Variants in FSHR observed in about 807,000 individuals in gnomAD.
FSHR encodes follicle stimulating hormone receptor, also known as follicle-stimulating hormone receptor.
Under a neutral mutation model 52.1 loss-of-function variants are expected in FSHR, and 46 were observed. The ratio of observed to expected loss-of-function variants is 0.88; its 90% CI spans 0.70 to 1.13. The LOEUF (loss-of-function observed/expected upper bound fraction) is 1.13. FSHR is among the 50% of genes most tolerant of loss of function. The pLI is 0.00. For synonymous variants in FSHR, 399 were observed against 309.6 expected, an observed-to-expected ratio of 1.29 and a Z score of -3.03; for missense variants, 964 against 834.6, an observed-to-expected ratio of 1.16 and a Z score of -1.91.
intron 4 of FSHR, among the ~76,000 whole-genome samples, chr2:49,017,017 A>G (rs1667513946): frequency 6.6e-6 from 1 of 152,222 alleles, no homozygotes; most frequent in Admixed American, 6.5e-5. Flanking sequence ...TGCAGCTGAA[A>G]CACTAGGAAT....
chr2:48,982,600 A>G (rs1039593348), intron 8 of FSHR, among the ~76,000 whole-genome samples: 1 of 152,164 alleles, frequency 6.6e-6, no homozygotes, highest in Admixed American at 6.5e-5. Flanking sequence ...CCTTCTGTAA[A>G]ACGGGAATAA....
intron 4 of FSHR, among the ~76,000 whole-genome samples, chr2:49,002,557 CAAG>C (rs1356695766): frequency 7.9e-5 from 12 of 152,006 alleles, no homozygotes; most frequent in Non-Finnish European, 1.2e-4. Flanking sequence ...ATGGTGGCAG[CAAG>C]AAGAAGTGCC....
chr2:49,047,919 T>C (rs1214733997), intron 2 of FSHR, among the ~76,000 whole-genome samples: 1 of 152,126 alleles, frequency 6.6e-6, no homozygotes, highest in Admixed American at 6.5e-5. Flanking sequence ...TGCTTTGTTG[T>C]CCAGGCTGGA....
Position 48,963,475 on chromosome 2 carries a change from G to C in FSHR, c.1346C>G (p.Thr449Ser), listed in dbSNP as rs28928870. The C allele has an allele frequency of 1.2e-6, 2 of 1,614,144 alleles. No individual in the cohort carries two copies. Among genetic ancestry groups the C allele is most frequent in the Non-Finnish European group, 1.7e-6 (2 of 1,180,004 alleles). Reference sequence around the variant, plus strand: ...GACTGACAGCTCACTGGCAAAGACAGTGAAAAAGCCAGCAGCATCACAGCC... The same window carrying C: ...GACTGACAGCTCACTGGCAAAGACACTGAAAAAGCCAGCAGCATCACAGCC... ...GAGCDAAGFF[T>S]VFASELSVYT... The change falls in exon 10 of 10, where the codon ACT becomes AGT. Residue 449 changes from threonine to serine, a missense_variant. Coordinates refer to ENST00000406846, the MANE Select transcript of FSHR (RefSeq NM_000145.4).
intron 2 of FSHR, among the ~76,000 whole-genome samples, chr2:49,049,804 A>C (rs1305774825): frequency 6.8e-6 from 1 of 146,038 alleles, no homozygotes. Context: ...TCTTTATCAG[A>C]CTCATATAGC....
chr2:49,133,770 C>T (rs1038572111), intron 1 of FSHR, among the ~76,000 whole-genome samples: 1 of 152,120 alleles, frequency 6.6e-6, no homozygotes, highest in African/African-American at 2.4e-5. Flanking sequence ...TACCATACAT[C>T]TACAACCATC....
intron 1 of FSHR, among the ~76,000 whole-genome samples, chr2:49,092,260 G>A (rs573221317): frequency 3.5e-4 from 53 of 152,190 alleles, no homozygotes; most frequent in African/African-American, 1.2e-3. Context: ...TTATAAGAGC[G>A]TTTTTTTGGA....
intron 1 of FSHR, among the ~76,000 whole-genome samples, chr2:49,090,927 G>T (rs991998887): frequency 4.3e-4 from 66 of 151,956 alleles, no homozygotes; most frequent in African/African-American, 1.5e-3. Context: ...TTGGTGAAGT[G>T]ACTGATTCTT....
At chr2:49,106,291 T>A (rs977982713) in intron 1 of FSHR, among the ~76,000 whole-genome samples, 3 of 152,026 alleles carry the variant, frequency 2.0e-5, no homozygotes, top group African/African-American at 7.2e-5. Flanking sequence ...AGTGACTATA[T>A]CAGCGATGTC....
At chr2:48,977,517 C>T (rs1245217168) in intron 8 of FSHR, among the ~76,000 whole-genome samples, 1 of 152,204 alleles carries the variant, frequency 6.6e-6, no homozygotes, top group Admixed American at 6.5e-5. Flanking sequence ...GAAATTCAGG[C>T]CTAGGATGAC....
chr2:49,036,800 C>T (rs1235146257), intron 2 of FSHR, among the ~76,000 whole-genome samples: 3 of 152,088 alleles, frequency 2.0e-5, no homozygotes, highest in Non-Finnish European at 4.4e-5. Context: ...AGTGATGTTG[C>T]GAGTTCTGGC....
At chr2:49,124,499 C>T (rs1313548506) in intron 1 of FSHR, among the ~76,000 whole-genome samples, 4 of 152,132 alleles carry the variant, frequency 2.6e-5, no homozygotes, top group African/African-American at 4.8e-5. Context: ...TCTTCATCCT[C>T]CCTGCCTTGT....
At chr2:49,063,111 C>G (rs187869890) in intron 2 of FSHR, among the ~76,000 whole-genome samples, 33 of 152,196 alleles carry the variant, frequency 2.2e-4, no homozygotes, top group African/African-American at 7.9e-4. Context: ...AGGAGAGGCC[C>G]TAAATGCCCA....
At chr2:49,039,678 C>T (rs1007122038) in intron 2 of FSHR, among the ~76,000 whole-genome samples, 1 of 152,172 alleles carries the variant, frequency 6.6e-6, no homozygotes, top group South Asian at 2.1e-4. Flanking sequence ...GTTCTGCTTT[C>T]CTTGATCTCT....
chr2:49,137,483 C>G (rs764183784), intron 1 of FSHR, among the ~76,000 whole-genome samples: 8 of 152,038 alleles, frequency 5.3e-5, no homozygotes, highest in African/African-American at 1.9e-4. Flanking sequence ...AAGAAATTGA[C>G]AGGCTGATTC....
chr2:49,120,816 T>A (rs1487907480), intron 1 of FSHR, among the ~76,000 whole-genome samples: 1 of 152,246 alleles, frequency 6.6e-6, no homozygotes, highest in Non-Finnish European at 1.5e-5. Context: ...TAGTAGATGC[T>A]GAGTATATCT....
At chr2:49,004,377 G>C (rs1222300491) in intron 4 of FSHR, among the ~76,000 whole-genome samples, 2 of 152,168 alleles carry the variant, frequency 1.3e-5, no homozygotes, top group African/African-American at 4.8e-5. Flanking sequence ...TTGAATCCTG[G>C]GGAAGAGGAG....
At position 49,059,057 on chromosome 2, in the gene FSHR, T is replaced by C. The variant is rs117929650; in HGVS notation, c.224+9162A>G. ...CCATCTATGCAAGAAAATAAAAAAA[T>C]AGCTGAGTATGGTGGCACATGCCTG... On this transcript the variant is annotated intron_variant, in intron 2 of 9. Coordinates refer to ENST00000406846, the MANE Select transcript of FSHR (RefSeq NM_000145.4). Among the ~76,000 whole-genome samples, 3 of 151,890 alleles carry C rather than the reference T, an allele frequency of 2.0e-5. No homozygotes were observed. The East Asian group carries it at 5.8e-4, about 30-fold the overall frequency.
intron 4 of FSHR, among the ~76,000 whole-genome samples, chr2:48,997,699 C>T (rs1469892616): frequency 6.6e-6 from 1 of 152,120 alleles, no homozygotes; most frequent in East Asian, 1.9e-4. Context: ...GGTCATGCTC[C>T]AGCCTTGTAT....
Sources: allele counts gnomAD v4.1 joint callset (sites outside exome capture counted in the v4.1 genomes callset), GRCh38; gene constraint gnomAD v4.1.1; transcripts MANE v1.5; gene names NCBI Gene and HGNC (gene_info 2026-07-23, HGNC 2026-07-21).